The following PAM variants were observed in gnomAD, a reference collection of about 807,000 sequenced individuals.
PAM encodes peptidyl-glycine alpha-amidating monooxygenase.
Under a neutral mutation model 122.1 loss-of-function variants are expected in PAM, and 72 were observed. That is an observed-to-expected ratio of 0.59 (90% CI 0.49 to 0.72). PAM has a LOEUF of 0.72. Ranked by LOEUF, PAM falls within the 30% of genes least tolerant of loss-of-function variation. The pLI is 0.00. For synonymous variants in PAM, 389 were observed against 404.4 expected (o/e 0.96, Z 0.46); for missense variants, 1,106 against 1,183.7 (o/e 0.93, Z 0.96).
At chr5:102,773,576 C>G (rs182058820) in intron 1 of PAM, among the ~76,000 whole-genome samples, 1 of 152,152 alleles carries the variant, frequency 6.6e-6, no homozygotes, top group East Asian at 1.9e-4. Flanking sequence ...AAAAAACATT[C>G]ATTCTCAGCT....
At chr5:102,780,629 G>T (rs533654079) in intron 1 of PAM, among the ~76,000 whole-genome samples, 1 of 152,012 alleles carries the variant, frequency 6.6e-6, no homozygotes, top group Admixed American at 6.6e-5. Flanking sequence ...CTTGCTGGCA[G>T]CTCTCCCCAC....
intron 1 of PAM, among the ~76,000 whole-genome samples, chr5:102,782,929 T>C (rs2432162): frequency 0.38 from 57,998 of 151,650 alleles, 11,692 homozygotes; most frequent in African/African-American, 0.49. Context: ...GCTAATGGCC[T>C]TTCATTTTCA....
chr5:102,932,181 A>T (rs1424439324), intron 7 of PAM, among the ~76,000 whole-genome samples: 1 of 152,174 alleles, frequency 6.6e-6, no homozygotes, highest in Admixed American at 6.5e-5. Context: ...AACATCTTGG[A>T]TAGAAATCAT....
At chr5:103,025,412 T>A in intron 24 of PAM, 78 bp downstream of exon 24, 1 of 1,196,792 alleles carries the variant, frequency 8.4e-7, no homozygotes, top group Non-Finnish European at 1.2e-6. Flanking sequence ...GGAGTTTGAT[T>A]GGGATTTTTT....
At chr5:102,758,671 G>T (rs904149037) in intron 1 of PAM, among the ~76,000 whole-genome samples, 2 of 152,092 alleles carry the variant, frequency 1.3e-5, no homozygotes, top group Admixed American at 1.3e-4. Flanking sequence ...TTTTATCTGG[G>T]GTTGAATGTT....
chr5:102,834,698 T>C (rs1354615698), intron 1 of PAM, among the ~76,000 whole-genome samples: 1 of 152,024 alleles, frequency 6.6e-6, no homozygotes, highest in East Asian at 1.9e-4. Context: ...AGTGCAAAGA[T>C]GCTGAAGTAG....
At chr5:103,020,301 A>G (rs906739630) in intron 23 of PAM, among the ~76,000 whole-genome samples, 1 of 152,118 alleles carries the variant, frequency 6.6e-6, no homozygotes, top group Non-Finnish European at 1.5e-5. Flanking sequence ...TTTAGCTTCT[A>G]TCGTAGTACC....
chr5:102,952,282 C>T (rs1440580504), intron 12 of PAM, among the ~76,000 whole-genome samples: 4 of 152,054 alleles, frequency 2.6e-5, no homozygotes, highest in Non-Finnish European at 5.9e-5. Flanking sequence ...GTAATATCTG[C>T]CATAGAAATT....
chr5:102,922,614 A>G (rs1311165835), intron 5 of PAM, among the ~76,000 whole-genome samples: 3 of 152,232 alleles, frequency 2.0e-5, no homozygotes, highest in South Asian at 2.1e-4. Context: ...AGAAAAAGTT[A>G]CTAAGCCAGT....
At chr5:102,976,706 T>C (rs1337034076) in intron 15 of PAM, among the ~76,000 whole-genome samples, 1 of 152,234 alleles carries the variant, frequency 6.6e-6, no homozygotes, top group African/African-American at 2.4e-5. Flanking sequence ...GGTCTGTTGC[T>C]TAATATTATA....
intron 1 of PAM, among the ~76,000 whole-genome samples, chr5:102,862,151 C>G (rs1314192022): frequency 1.0e-5 from 1 of 99,374 alleles, no homozygotes; most frequent in Non-Finnish European, 2.0e-5. Flanking sequence ...GCCTGGGTGA[C>G]AAAGTAAGAC....
chr5:102,805,571 C>T (rs1196470564), intron 1 of PAM, among the ~76,000 whole-genome samples: 2 of 152,144 alleles, frequency 1.3e-5, no homozygotes, highest in African/African-American at 2.4e-5. Context: ...GCTCCAGGTC[C>T]GTTTCTAACC....
intron 3 of PAM, among the ~76,000 whole-genome samples, chr5:102,881,125 T>TACACACAC (rs1224315361): frequency 1.4e-5 from 1 of 69,058 alleles, no homozygotes; most frequent in Non-Finnish European, 2.5e-5. Context: ...ATAATTTTTA[T>TACACACAC]ACATACACAC....
chr5:103,014,368 A>G (rs182082502), intron 21 of PAM, among the ~76,000 whole-genome samples: 1 of 152,226 alleles, frequency 6.6e-6, no homozygotes, highest in South Asian at 2.1e-4. Context: ...CAATTCAGCA[A>G]ACTTGAAAAG....
intron 1 of PAM, among the ~76,000 whole-genome samples, chr5:102,780,178 G>A (rs1471331441): frequency 6.6e-6 from 1 of 151,750 alleles, no homozygotes; most frequent in East Asian, 1.9e-4. Context: ...TTAGCCATCT[G>A]GGTTATCAAA....
intron 3 of PAM, among the ~76,000 whole-genome samples, chr5:102,878,381 A>C (rs1053588023): frequency 6.6e-6 from 1 of 152,194 alleles, no homozygotes; most frequent in Non-Finnish European, 1.5e-5. Flanking sequence ...GTAACAGTAT[A>C]GCACATACAA....
intron 3 of PAM, among the ~76,000 whole-genome samples, chr5:102,877,486 A>T (rs1051313615): frequency 6.6e-6 from 1 of 152,206 alleles, no homozygotes; most frequent in African/African-American, 2.4e-5. Flanking sequence ...GAAAATATTT[A>T]TGGAGGCAGC....
At chr5:102,891,209 G>A (rs1416179697) in intron 3 of PAM, among the ~76,000 whole-genome samples, 1 of 151,732 alleles carries the variant, frequency 6.6e-6, no homozygotes, top group Non-Finnish European at 1.5e-5. Context: ...GGTAGTCTTT[G>A]GGAACACAAA....
intron 1 of PAM, among the ~76,000 whole-genome samples, chr5:102,764,347 A>G (rs778088760): frequency 6.6e-6 from 1 of 151,842 alleles, no homozygotes; most frequent in Non-Finnish European, 1.5e-5. Flanking sequence ...TTAGGCAAAT[A>G]AGGGAATGGA....
Sources: gnomAD v4.1 joint callset for allele counts (sites outside exome capture counted in the v4.1 genomes callset) on GRCh38, gnomAD v4.1.1 for gene constraint, MANE v1.5 for transcripts, NCBI Gene and HGNC (gene_info 2026-07-23, HGNC 2026-07-21) for gene names.